The following RIF1 variants were observed in gnomAD, a reference collection of about 807,000 sequenced individuals.
RIF1 encodes the protein telomere-associated protein RIF1.
Under a neutral mutation model 247.1 loss-of-function variants are expected in RIF1, and 45 were observed. The ratio of observed to expected loss-of-function variants is 0.18; its 90% CI spans 0.14 to 0.23. RIF1 has a LOEUF of 0.23. Among genes scored for constraint, RIF1 ranks in the 10% least tolerant of loss-of-function variants. The pLI is 1.00. For missense variants in RIF1, 2,967 were observed against 2,862.5 expected (o/e 1.04, Z -0.83); for synonymous variants, 1,087 against 978.8 (o/e 1.11, Z -2.06).
chr2:151,431,360 C>G (rs1690092776), intron 9 of RIF1, among the ~76,000 whole-genome samples: 1 of 152,176 alleles, frequency 6.6e-6, no homozygotes, highest in Non-Finnish European at 1.5e-5. Context: ...GGCTCAGTGG[C>G]CGACTAGAAA....
intron 4 of RIF1, among the ~76,000 whole-genome samples, chr2:151,416,218 C>G (rs778064529): frequency 6.6e-6 from 1 of 152,186 alleles, no homozygotes; most frequent in African/African-American, 2.4e-5. Flanking sequence ...TGTTAGCAAC[C>G]TAAAGCAGGA....
intron 11 of RIF1, among the ~76,000 whole-genome samples, chr2:151,501,224 A>C (rs1006813360): frequency 2.0e-5 from 3 of 152,250 alleles, no homozygotes; most frequent in Non-Finnish European, 2.9e-5. Context: ...AATGTTTGTT[A>C]GAATCAAATG....
At position 151,463,948 on chromosome 2, in the gene RIF1, GA is replaced by G; in HGVS notation, c.4430del (p.Asn1477IlefsTer2). 1 of 1,610,482 alleles carries G rather than the reference GA, an allele frequency of 6.2e-7. No homozygotes were observed. The highest frequency in any genetic ancestry group is 8.5e-7 in the Non-Finnish European group (1 of 1,179,162). On this transcript the variant is annotated frameshift_variant, in exon 30 of 36. Transcript: ENST00000444746. LOFTEE classifies it high-confidence loss of function. ...TGATTGCTGAACAAACTCTACAGGA[GA>G]ATTTAATTGAGAAAGGAAGTAATTT... Reference protein sequence around the residue: ...KLIAEQTLQENLIEKGSNLHE... With the variant: ...KLIAEQTLQEXLIEKGSNLHE...
At chr2:151,493,250 A>G in intron 9 of RIF1, 1 of 923,080 alleles carries the variant, frequency 1.1e-6, no homozygotes, top group Non-Finnish European at 1.7e-6. Context: ...CTCTTTTAAA[A>G]TTTTAGTGTG....
At chr2:151,414,304 C>T (rs1255099010) in intron 3 of RIF1, among the ~76,000 whole-genome samples, 1 of 151,632 alleles carries the variant, frequency 6.6e-6, no homozygotes, top group Admixed American at 6.6e-5. Flanking sequence ...AAAAAAATTT[C>T]TAGATTGACA....
chr2:151,483,173 A>G (rs1245293991), downstream of RIF1: 2 of 152,258 alleles, frequency 1.3e-5, no homozygotes, highest in Middle Eastern at 3.4e-3. Flanking sequence ...GATGTAACCC[A>G]TAGACCTAAT....
At chr2:151,462,493 C>A (rs1696340256) in intron 29 of RIF1, 27 bp downstream of exon 29, 2 of 1,476,196 alleles carry the variant, frequency 1.4e-6, no homozygotes, top group Non-Finnish European at 1.8e-6. Flanking sequence ...ATATTTTGGG[C>A]TTTTTAGAAT....
At chr2:151,516,460 C>G in the RIF1 span, 1 of 1,605,128 alleles carries the variant, frequency 6.2e-7, no homozygotes, top group Non-Finnish European at 8.5e-7. Flanking sequence ...TTGACTTACC[C>G]CACTCTGCAT....
chr2:151,528,992 G>C, the RIF1 span, among the ~76,000 whole-genome samples: 1 of 152,174 alleles, frequency 6.6e-6, no homozygotes, highest in African/African-American at 2.4e-5. Context: ...AGCATCCATG[G>C]CATGGGATGA....
At chr2:151,493,908 A>T in intron 9 of RIF1, 2 of 1,307,408 alleles carry the variant, frequency 1.5e-6, no homozygotes, top group Non-Finnish European at 2.1e-6. Context: ...ACTACGAGGT[A>T]ATAATCACTA....
chr2:151,452,539 A>G (rs2152443104), intron 21 of RIF1, among the ~76,000 whole-genome samples: 2 of 152,320 alleles, frequency 1.3e-5, no homozygotes, highest in Middle Eastern at 3.4e-3. Flanking sequence ...CTAAGTAGCA[A>G]TATGGAGTAA....
intron 15 of RIF1, among the ~76,000 whole-genome samples, chr2:151,440,923 AGT>A (rs1453797587): frequency 1.3e-5 from 2 of 152,228 alleles, no homozygotes; most frequent in Admixed American, 1.3e-4. Context: ...TTCAGGTGAC[AGT>A]GTGTGAAAAT....
chr2:151,497,079 T>A, intron 10 of RIF1: 1 of 1,539,618 alleles, frequency 6.5e-7, no homozygotes, highest in Non-Finnish European at 8.8e-7. Flanking sequence ...GAGTAACATT[T>A]CATTTGTTGA....
chr2:151,426,097 T>A (rs1689026269), intron 8 of RIF1, among the ~76,000 whole-genome samples: 1 of 151,862 alleles, frequency 6.6e-6, no homozygotes, highest in Non-Finnish European at 1.5e-5. Flanking sequence ...TATTAATTAC[T>A]ATAGCTTTAT....
chr2:151,466,085 T>A lies in RIF1; in HGVS notation c.6565T>A (p.Ser2189Thr), dbSNP rs753478639. 1.3e-5 allele frequency: 21 copies of A among 1,595,790 alleles called. No individual in the cohort carries two copies. The highest frequency in any genetic ancestry group is 1.6e-5 in the Non-Finnish European group (19 of 1,169,768). The change falls in exon 30 of 36, where the codon TCC becomes ACC. Residue 2189 changes from serine to threonine, a missense_variant. Ser to Thr is a moderately conservative substitution (Grantham distance 58, BLOSUM62 1). This residue lies in a region of RIF1 where 2,028 missense variants were observed against 1,825.6 expected (regional missense o/e 1.11). Coordinates refer to ENST00000444746, the MANE Select transcript of RIF1 (RefSeq NM_018151.5). ...CATTTTAAAGAGAGGACTAAAAAGATCCCAAGAAGATGAAATCTCATCACC... is the reference window on the plus strand; with the variant it reads ...CATTTTAAAGAGAGGACTAAAAAGAACCCAAGAAGATGAAATCTCATCACC... ...TSILKRGLKR[S>T]QEDEISSPVN...
intron 27 of RIF1, 73 bp from the exon 28 acceptor site, chr2:151,462,168 TG>T: frequency 1.9e-6 from 2 of 1,074,264 alleles, no homozygotes; most frequent in Non-Finnish European, 2.7e-6. Context: ...CCACCGTACC[TG>T]GCCATAAGTT....
At chr2:151,487,589 C>T (rs2051966805) in intron 9 of RIF1, among the ~76,000 whole-genome samples, 2 of 152,116 alleles carry the variant, frequency 1.3e-5, no homozygotes, top group South Asian at 2.1e-4. Flanking sequence ...AATAATATCA[C>T]GAATTATTCA....
chr2:151,492,502 AG>A (rs2057370864), intron 9 of RIF1: 1 of 1,593,174 alleles, frequency 6.3e-7, no homozygotes, highest in African/African-American at 1.3e-5. Context: ...AACCTGATGC[AG>A]GAGAGACCGT....
chr2:151,444,059 G>T (rs536455683), intron 18 of RIF1, among the ~76,000 whole-genome samples: 1 of 152,182 alleles, frequency 6.6e-6, no homozygotes, highest in Non-Finnish European at 1.5e-5. Context: ...GTTAAGCCAC[G>T]TTGGTGATTA....
Sources: allele counts gnomAD v4.1 joint callset (sites outside exome capture counted in the v4.1 genomes callset), GRCh38; gene constraint gnomAD v4.1.1; regional missense constraint gnomAD v4.1.1; transcripts MANE v1.5; gene names NCBI Gene and HGNC (gene_info 2026-07-23, HGNC 2026-07-21).